The following FMNL2 variants were observed in gnomAD, a reference collection of about 807,000 sequenced individuals.
FMNL2 encodes formin-like protein 2.
A neutral mutation model predicts 130.2 loss-of-function variants in FMNL2; 51 were observed. The observed-to-expected ratio is 0.39, with a 90% CI of 0.31 to 0.49. The LOEUF is 0.49. FMNL2 is among the 20% of genes least tolerant of loss of function. The pLI is 0.85. For synonymous variants in FMNL2, 465 were observed against 467.1 expected, an observed-to-expected ratio of 1.00 and a Z score of 0.06; for missense variants, 977 against 1,316.2, an observed-to-expected ratio of 0.74 and a Z score of 3.99.
chr2:152,443,371 T>C (rs980081585), intron 1 of FMNL2, among the ~76,000 whole-genome samples: 2 of 151,838 alleles, frequency 1.3e-5, no homozygotes, highest in African/African-American at 4.9e-5. Flanking sequence ...AGTTAACCCA[T>C]TGGAGTAGAT....
At chr2:152,611,057 G>A (rs1278321358) in intron 10 of FMNL2, among the ~76,000 whole-genome samples, 1 of 152,144 alleles carries the variant, frequency 6.6e-6, no homozygotes, top group East Asian at 1.9e-4. Flanking sequence ...TATTTTTAAA[G>A]AGGCCGGGCG....
chr2:152,592,202 A>G (rs927045821), intron 9 of FMNL2, among the ~76,000 whole-genome samples: 1 of 152,246 alleles, frequency 6.6e-6, no homozygotes, highest in Admixed American at 6.5e-5. Context: ...TTGAGGACCA[A>G]ATATACACTA....
chr2:152,552,467 C>T (rs1012552403), intron 4 of FMNL2, among the ~76,000 whole-genome samples: 2 of 152,156 alleles, frequency 1.3e-5, no homozygotes, highest in Non-Finnish European at 2.9e-5. Context: ...CACATGCTTG[C>T]TTTTCAACGT....
At chr2:152,531,401 T>A (rs1236885532) in intron 2 of FMNL2, among the ~76,000 whole-genome samples, 2 of 152,132 alleles carry the variant, frequency 1.3e-5, no homozygotes, top group Non-Finnish European at 2.9e-5. Flanking sequence ...GATCTGAAGA[T>A]GAAAAGAAAG....
chr2:152,618,760 T>C, intron 13 of FMNL2, 86 bp from the exon 14 acceptor site: 1 of 1,203,334 alleles, frequency 8.3e-7, no homozygotes, highest in Non-Finnish European at 1.1e-6. Flanking sequence ...TATCTTTTTT[T>C]CTCTTTATCC....
chr2:152,608,534 T>C (rs567453177), intron 10 of FMNL2, among the ~76,000 whole-genome samples: 5 of 148,748 alleles, frequency 3.4e-5, no homozygotes, highest in African/African-American at 1.2e-4. Flanking sequence ...TATATATATA[T>C]ACTTTATATA....
intron 6 of FMNL2, among the ~76,000 whole-genome samples, chr2:152,567,501 C>G (rs1009556053): frequency 6.6e-6 from 1 of 152,198 alleles, no homozygotes; most frequent in African/African-American, 2.4e-5. Context: ...TCAGCTGTTT[C>G]AGCTCTATTT....
In FMNL2 at chr2:152,607,401, CAT is replaced by C. The variant is rs1381852157; in HGVS notation, c.941_942del (p.Ile314ArgfsTer11). The C allele has an allele frequency of 1.2e-6, 2 of 1,611,998 alleles. No individual in the cohort carries two copies. The highest frequency in any genetic ancestry group is 1.7e-6 in the Non-Finnish European group (2 of 1,179,032). The stretch of plus-strand genomic sequence containing the variant: ...AACATTTCAGGAATGAAGACAATAA[CAT>C]AGATTTTATGGTGAGTTATTTCAGT... ...MEHFRNEDNN[I>X]DFMVASMQFI... is the part of the protein sequence containing the mutation. On this transcript the variant is annotated frameshift_variant, in exon 10 of 26. Transcript: ENST00000288670. LOFTEE classifies it high-confidence loss of function.
At chr2:152,540,702 G>GA (rs1694263860) in intron 2 of FMNL2, among the ~76,000 whole-genome samples, 1 of 107,776 alleles carries the variant, frequency 9.3e-6, no homozygotes, top group Non-Finnish European at 1.8e-5. Context: ...GGGGTGGGGG[G>GA]AGGGGGGAGG....
chr2:152,549,752 T>C (rs1366792207), intron 4 of FMNL2, among the ~76,000 whole-genome samples: 1 of 152,234 alleles, frequency 6.6e-6, no homozygotes, highest in Non-Finnish European at 1.5e-5. Flanking sequence ...CTGGGTGGCC[T>C]AATTGTACTA....
At chr2:152,578,833 C>A (rs1217712277) in intron 7 of FMNL2, 55 bp from the exon 8 acceptor site, 14 of 1,467,864 alleles carry the variant, frequency 9.5e-6, no homozygotes, top group Non-Finnish European at 1.2e-5. Context: ...ACTGACAGTT[C>A]CCTAACTTGT....
At chr2:152,351,546 G>T (rs891811724) in intron 1 of FMNL2, among the ~76,000 whole-genome samples, 1 of 152,092 alleles carries the variant, frequency 6.6e-6, no homozygotes, top group Non-Finnish European at 1.5e-5. Flanking sequence ...CTTTTTTATG[G>T]CTGCATAGTA....
At chr2:152,522,707 T>C (rs1260177734) in intron 2 of FMNL2, among the ~76,000 whole-genome samples, 1 of 152,234 alleles carries the variant, frequency 6.6e-6, no homozygotes, top group Non-Finnish European at 1.5e-5. Flanking sequence ...GCCATGATTG[T>C]GAGGCTTCCC....
chr2:152,537,827 A>G (rs79478580), intron 2 of FMNL2, among the ~76,000 whole-genome samples: 303 of 152,284 alleles, frequency 2.0e-3, no homozygotes, highest in Middle Eastern at 0.014. Flanking sequence ...AAGCATCAGA[A>G]AAAGTCAGAA....
At chr2:152,480,160 A>G (rs1396632929) in intron 1 of FMNL2, among the ~76,000 whole-genome samples, 1 of 152,176 alleles carries the variant, frequency 6.6e-6, no homozygotes, top group Non-Finnish European at 1.5e-5. Flanking sequence ...CCTGATTCTT[A>G]GCCTTAGCAG....
intron 1 of FMNL2, among the ~76,000 whole-genome samples, chr2:152,461,221 C>T (rs576023938): frequency 1.3e-5 from 2 of 152,262 alleles, no homozygotes; most frequent in South Asian, 4.1e-4. Flanking sequence ...AACAGTTCAC[C>T]TGGTTAGATA....
chr2:152,481,929 A>T (rs750050362), intron 1 of FMNL2, among the ~76,000 whole-genome samples: 1 of 152,200 alleles, frequency 6.6e-6, no homozygotes, highest in African/African-American at 2.4e-5. Flanking sequence ...GTAGTACTCA[A>T]AGTTGCCTCT....
intron 9 of FMNL2, among the ~76,000 whole-genome samples, chr2:152,593,898 TGTGTGAGAGAGA>T (rs1262862897): frequency 5.1e-5 from 4 of 78,010 alleles, no homozygotes; most frequent in Non-Finnish European, 6.1e-5. Context: ...TGTGTGTGTG[TGTGTGAGAGAGA>T]GAGAGAGAGA....
chr2:152,536,628 G>A (rs953779170), intron 2 of FMNL2, among the ~76,000 whole-genome samples: 39 of 152,190 alleles, frequency 2.6e-4, no homozygotes, highest in Admixed American at 2.4e-3. Flanking sequence ...TCATCCCTGA[G>A]GATGTTCAAG....
Sources: gnomAD v4.1 joint callset for allele counts (sites outside exome capture counted in the v4.1 genomes callset) on GRCh38, gnomAD v4.1.1 for gene constraint, MANE v1.5 for transcripts, NCBI Gene and HGNC (gene_info 2026-07-23, HGNC 2026-07-21) for gene names.